TMEM177: variants seen among roughly 807,000 people sequenced by gnomAD.
The protein encoded by TMEM177 is transmembrane protein 177.
TMEM177 carries 4 observed loss-of-function variants against 14.2 expected under a neutral mutation model. The observed-to-expected ratio is 0.28, with a 90% CI of 0.14 to 0.64. TMEM177 has a LOEUF of 0.64. Among genes scored for constraint, TMEM177 ranks in the 30% least tolerant of loss-of-function variants. TMEM177 has a pLI of 0.82. For synonymous variants in TMEM177, 179 were observed against 174.5 expected, an observed-to-expected ratio of 1.03 and a Z score of -0.20; for missense variants, 344 against 405.2, an observed-to-expected ratio of 0.85 and a Z score of 1.30.
chr2:119,689,379 G>A (rs1246405013), downstream of TMEM177, among the ~76,000 whole-genome samples: 6 of 152,176 alleles, frequency 3.9e-5, no homozygotes, highest in Admixed American at 6.5e-5. Context: ...ATAGGAGGAG[G>A]GCAGCCAACT....
At chr2:119,703,488 A>T in the TMEM177 span, among the ~76,000 whole-genome samples, 1 of 152,184 alleles carries the variant, frequency 6.6e-6, no homozygotes, top group Non-Finnish European at 1.5e-5. Flanking sequence ...ACTACTACTG[A>T]TAATAACTTG....
chr2:119,681,680 G>A lies in TMEM177; in HGVS notation c.827G>A (p.Gly276Glu). 6.2e-7 allele frequency: 1 copy of A among 1,614,206 alleles called. No individual in the cohort carries two copies. The highest frequency in any genetic ancestry group is 8.5e-7 in the Non-Finnish European group (1 of 1,180,048). The change falls in exon 2 of 2, where the codon GGG (glycine) becomes GAG (glutamate). Residue 276 changes from glycine (G) to glutamate (E), a missense_variant. Gly to Glu is a moderately conservative substitution (Grantham distance 98). Coordinates refer to ENST00000272521, the MANE Select transcript of TMEM177 (RefSeq NM_030577.3). ...GGGGAGAAGCTGTATACACCCAGCG[G>A]GAACATCGTCCCCAGACACTTGTTC... ...KDGEKLYTPSGNIVPRHLFRI... is the reference protein window; with the variant it reads ...KDGEKLYTPSENIVPRHLFRI...
In TMEM177 at chr2:119,681,647, G is replaced by A. The variant is rs1688908020; in HGVS notation, c.794G>A (p.Gly265Asp). The change falls in exon 2 of 2, where the codon GGC becomes GAC. Residue 265 changes from glycine to aspartate, a missense_variant. Gly to Asp is a moderately conservative substitution (Grantham distance 94). Transcript: ENST00000272521. ...SGNLALRSLL[G>D]KDGEKLYTPS... ...AACCTGGCCCTGCGCAGTCTCTTGGGCAAAGACGGGGAGAAGCTGTATACA... is the reference window on the plus strand; with the variant it reads ...AACCTGGCCCTGCGCAGTCTCTTGGACAAAGACGGGGAGAAGCTGTATACA... 1 of 1,614,114 alleles carries A rather than the reference G, an allele frequency of 6.2e-7. No individual in the cohort carries two copies. The highest frequency in any genetic ancestry group is 1.7e-5 in the Admixed American group (1 of 60,012).
chr2:119,683,561 A>T (rs1422377623), downstream of TMEM177, among the ~76,000 whole-genome samples: 3 of 152,106 alleles, frequency 2.0e-5, no homozygotes, highest in African/African-American at 7.2e-5. Context: ...TGCAGGAGCC[A>T]TGATGGTTTC....
downstream of TMEM177, among the ~76,000 whole-genome samples, chr2:119,685,077 C>T (rs907627740): frequency 1.3e-5 from 2 of 152,148 alleles, no homozygotes; most frequent in African/African-American, 2.4e-5. Context: ...CCTCGCCTCT[C>T]CCCATCCCAG....
Position 119,682,080 on chromosome 2 carries a change from C to A in TMEM177, c.*291C>A. The stretch of plus-strand genomic sequence containing the variant: ...TAAGGTCATGAACATAAGGGCCTGG[C>A]ACAAAGGGTGCACTGTAAATAAACA... On this transcript the variant is annotated 3_prime_UTR_variant, in exon 2 of 2. Coordinates refer to ENST00000272521, the MANE Select transcript of TMEM177 (RefSeq NM_030577.3). 1 of 345,456 alleles carries A rather than the reference C, an allele frequency of 2.9e-6. No homozygotes were observed. Among genetic ancestry groups the A allele is most frequent in the Non-Finnish European group, 5.5e-6 (1 of 181,900 alleles). The allele number at this position is 345,456 out of a possible 1,614,324, so 21.4% of individuals were successfully genotyped here.
chr2:119,711,645 C>T, the TMEM177 span, among the ~76,000 whole-genome samples: 1 of 152,264 alleles, frequency 6.6e-6, no homozygotes, highest in South Asian at 2.1e-4. Context: ...CTAAAAGCCA[C>T]CTTTGTCATT....
chr2:119,682,085 A>T lies in TMEM177; in HGVS notation c.*296A>T. On this transcript the variant is annotated 3_prime_UTR_variant, in exon 2 of 2. Coordinates refer to ENST00000272521, the MANE Select transcript of TMEM177 (RefSeq NM_030577.3). ...TCATGAACATAAGGGCCTGGCACAAAGGGTGCACTGTAAATAAACAGACAT... is the reference window on the plus strand; with the variant it reads ...TCATGAACATAAGGGCCTGGCACAATGGGTGCACTGTAAATAAACAGACAT... 1 of 318,622 alleles carries T rather than the reference A, an allele frequency of 3.1e-6. No individual in the cohort carries two copies. Among genetic ancestry groups the T allele is most frequent in the Non-Finnish European group, 6.1e-6 (1 of 164,582 alleles). 19.7% of individuals were successfully genotyped at this position (318,622 alleles called of 1,614,324 possible).
At chr2:119,693,876 A>G in the TMEM177 span, among the ~76,000 whole-genome samples, 206 of 39,070 alleles carry the variant, frequency 5.3e-3, no homozygotes, top group Non-Finnish European at 9.9e-3. Context: ...CACAAACACA[A>G]CACACAAACA....
the TMEM177 span, among the ~76,000 whole-genome samples, chr2:119,697,169 AC>A: frequency 6.6e-6 from 1 of 152,202 alleles, no homozygotes; most frequent in Non-Finnish European, 1.5e-5. Context: ...CCACAACAAA[AC>A]ACGGAACCAA....
the TMEM177 span, chr2:119,699,224 G>T: frequency 6.5e-6 from 1 of 154,008 alleles, no homozygotes; most frequent in South Asian, 1.8e-4. Flanking sequence ...TTACGTTCAT[G>T]GCAGAAGGCG....
chr2:119,699,698 TC>T, the TMEM177 span: 1 of 166,288 alleles, frequency 6.0e-6, no homozygotes. Context: ...AAGAGGTCAC[TC>T]CCCCAACACA....
downstream of TMEM177, among the ~76,000 whole-genome samples, chr2:119,690,391 C>G (rs1689076398): frequency 6.6e-6 from 1 of 152,170 alleles, no homozygotes. Context: ...CCAGTTAAAC[C>G]TCTTTTATTT....
chr2:119,681,670 A>G lies in TMEM177; in HGVS notation c.817A>G (p.Thr273Ala). 1 of 1,614,216 alleles carries G rather than the reference A, an allele frequency of 6.2e-7. No individual in the cohort carries two copies. Among genetic ancestry groups the G allele is most frequent in the Non-Finnish European group, 8.5e-7 (1 of 1,180,044 alleles). Residue 273 changes from threonine to alanine, a missense_variant, in exon 2 of 2, where the codon ACA (threonine) becomes GCA (alanine). Thr to Ala is a moderately conservative substitution (Grantham distance 58). Coordinates refer to ENST00000272521, the MANE Select transcript of TMEM177 (RefSeq NM_030577.3). ...LLGKDGEKLY[T>A]PSGNIVPRHL... ...GGGCAAAGACGGGGAGAAGCTGTAT[A>G]CACCCAGCGGGAACATCGTCCCCAG...
chr2:119,719,298 G>T, the TMEM177 span, among the ~76,000 whole-genome samples: 1 of 152,170 alleles, frequency 6.6e-6, no homozygotes, highest in Non-Finnish European at 1.5e-5. Flanking sequence ...TAGCCAAAAG[G>T]CTGAGAAGTG....
chr2:119,712,513 A>C, the TMEM177 span, among the ~76,000 whole-genome samples: 1 of 152,166 alleles, frequency 6.6e-6, no homozygotes, highest in Non-Finnish European at 1.5e-5. Flanking sequence ...CAGAGACACC[A>C]GGGATGCATG....
chr2:119,704,530 GGA>G, the TMEM177 span, among the ~76,000 whole-genome samples: 8 of 152,052 alleles, frequency 5.3e-5, no homozygotes, highest in Non-Finnish European at 1.2e-4. Context: ...CCTGGGAGGT[GGA>G]GTTTGCAGTG....
At chr2:119,679,544 A>G (rs1405345063) in intron 1 of TMEM177, 1 of 152,182 alleles carries the variant, frequency 6.6e-6, no homozygotes, top group Non-Finnish European at 1.5e-5. Flanking sequence ...AAGATAGGCC[A>G]AGCGGTACCC....
At chr2:119,693,477 T>C in the TMEM177 span, among the ~76,000 whole-genome samples, 2 of 152,036 alleles carry the variant, frequency 1.3e-5, no homozygotes, top group Admixed American at 1.3e-4. Context: ...AGAAGGAGCG[T>C]CTGCACCACC....
Sources: gnomAD v4.1 joint callset for allele counts (sites outside exome capture counted in the v4.1 genomes callset) on GRCh38, gnomAD v4.1.1 for gene constraint, MANE v1.5 for transcripts, NCBI Gene and HGNC (gene_info 2026-07-23, HGNC 2026-07-21) for gene names.